REV3L: variants seen among roughly 807,000 people sequenced by gnomAD.
REV3L encodes the protein DNA polymerase zeta catalytic subunit.
Under a neutral mutation model 299.4 loss-of-function variants are expected in REV3L, and 69 were observed. The ratio of observed to expected loss-of-function variants is 0.23; its 90% CI spans 0.19 to 0.28. REV3L has a LOEUF of 0.28. Ranked by LOEUF, REV3L falls within the 10% of genes least tolerant of loss-of-function variation. The pLI, the probability that REV3L is intolerant of heterozygous loss-of-function variation, is 1.00. For synonymous variants in REV3L, 1,238 were observed against 1,271.4 expected (o/e 0.97, Z 0.56); for missense variants, 3,128 against 3,693.8 (o/e 0.85, Z 3.97).
chr6:111,378,922 A>G (rs1049741824), intron 11 of REV3L, among the ~76,000 whole-genome samples: 2 of 152,140 alleles, frequency 1.3e-5, no homozygotes, highest in African/African-American at 4.8e-5. Context: ...CTTTTTCAGT[A>G]TTCTTAAAAT....
intron 4 of REV3L, among the ~76,000 whole-genome samples, chr6:111,397,969 T>C (rs1782699242): frequency 6.6e-6 from 1 of 151,062 alleles, no homozygotes; most frequent in South Asian, 2.1e-4. Flanking sequence ...ATTTTCTGTC[T>C]AGATTATCTG....
In REV3L at chr6:111,372,836, T is replaced by C. The variant is rs749563451; in HGVS notation, c.5519A>G (p.Tyr1840Cys). The C allele has an allele frequency of 1.6e-5, 26 of 1,613,908 alleles. No individual in the cohort carries two copies. The highest frequency in any genetic ancestry group is 1.9e-5 in the Non-Finnish European group (23 of 1,179,946). The change falls in exon 13 of 32, where the codon TAT becomes TGT. Residue 1840 changes from tyrosine (Y) to cysteine (C), a missense_variant. By Grantham distance (194) the Tyr-to-Cys change is radical (BLOSUM62 -2). This residue lies in a region of REV3L where 2,409 missense variants were observed against 2,611.8 expected (regional missense o/e 0.92). Coordinates refer to ENST00000368802, the MANE Select transcript of REV3L (RefSeq NM_001372078.1). ...CAACATATCATTGTTTCTTGAAACA[T>C]ACAGTTCTAAATCTTCACAGGCCAC... ...VDVACEDLEL[Y>C]VSRNNDMLTP...
At chr6:111,410,693 G>A (rs1359800955) in intron 3 of REV3L, among the ~76,000 whole-genome samples, 1 of 152,194 alleles carries the variant, frequency 6.6e-6, no homozygotes, top group Non-Finnish European at 1.5e-5. Context: ...TACTCAAATG[G>A]TTTAATCCAG....
intron 13 of REV3L, among the ~76,000 whole-genome samples, chr6:111,368,886 T>C (rs1389279201): frequency 6.6e-6 from 1 of 152,094 alleles, no homozygotes; most frequent in Non-Finnish European, 1.5e-5. Flanking sequence ...TCCCCATCAC[T>C]CTCTATGTAA....
intron 18 of REV3L, chr6:111,354,268 T>C (rs1338356084): frequency 9.2e-5 from 14 of 152,226 alleles, no homozygotes; most frequent in Admixed American, 8.5e-4. Flanking sequence ...CATCTTGTTA[T>C]TGCAAGACTT....
chr6:111,395,579 T>C (rs1167314624), intron 4 of REV3L, among the ~76,000 whole-genome samples: 1 of 152,202 alleles, frequency 6.6e-6, no homozygotes, highest in African/African-American at 2.4e-5. Context: ...TTTACTAAAT[T>C]TATCAGTTCT....
intron 16 of REV3L, among the ~76,000 whole-genome samples, chr6:111,363,150 G>A (rs1032121579): frequency 1.2e-4 from 18 of 152,358 alleles, no homozygotes; most frequent in Non-Finnish European, 1.8e-4. Context: ...GCTGGATTAA[G>A]TAGAGAGTAT....
intron 2 of REV3L, chr6:111,412,261 T>C: frequency 1.0e-6 from 1 of 985,038 alleles, no homozygotes; most frequent in Non-Finnish European, 1.2e-6. Context: ...AGCAACATAA[T>C]CATGTTATGG....
In REV3L at chr6:111,299,912, C is replaced by G. The variant is rs553876736; in HGVS notation, c.*104G>C. On this transcript the variant is annotated 3_prime_UTR_variant, in exon 32 of 32. Coordinates refer to ENST00000368802, the MANE Select transcript of REV3L (RefSeq NM_001372078.1). Reference sequence around the variant, plus strand: ...GTCTTCATAGTCTTCAGATAACAGACAGTGAACATCCTTGACTCGATGAAA... The same window carrying G: ...GTCTTCATAGTCTTCAGATAACAGAGAGTGAACATCCTTGACTCGATGAAA... 9.1e-6 allele frequency: 10 copies of G among 1,103,526 alleles called. No individual in the cohort carries two copies. In the African/African-American group the frequency reaches 1.4e-4, roughly 16 times the overall value. 68.4% of individuals were successfully genotyped at this position (1,103,526 alleles called of 1,614,324 possible).
chr6:111,455,969 A>G (rs1272483095), intron 1 of REV3L, among the ~76,000 whole-genome samples: 3 of 152,232 alleles, frequency 2.0e-5, no homozygotes, highest in African/African-American at 7.2e-5. Context: ...CGTATATGGC[A>G]CTTGATATTG....
intron 1 of REV3L, among the ~76,000 whole-genome samples, chr6:111,465,745 C>CAAAAAAAAAAAA (rs376561912): frequency 1.2e-4 from 9 of 76,860 alleles, no homozygotes; most frequent in African/African-American, 1.6e-4. Context: ...AAACAAAAAC[C>CAAAAAAAAAAAA]AAAAAAAAAA....
chr6:111,359,409 A>G lies in REV3L; in HGVS notation c.6880-395T>C, dbSNP rs187236822. Among the ~76,000 whole-genome samples the G allele has an allele frequency of 3.6e-3, 550 of 151,936 alleles. 2 individuals are homozygous for G. Among genetic ancestry groups the G allele is most frequent in the African/African-American group, 0.013 (527 of 41,486 alleles). On this transcript the variant is annotated intron_variant, in intron 16 of 31. Transcript: ENST00000368802. ...TTTACCTGTAGTTTAAAGTAAAAAG[A>G]GAGCTTTTTTAAAATTCAAATTTCC...
chr6:111,323,978 G>A (rs1024421610), intron 25 of REV3L, among the ~76,000 whole-genome samples: 1 of 152,022 alleles, frequency 6.6e-6, no homozygotes, highest in African/African-American at 2.4e-5. Flanking sequence ...AACGAGTTGG[G>A]ATTTATTTAT....
At chr6:111,315,448 A>G in intron 26 of REV3L, 67 bp from the exon 27 acceptor site, 3 of 1,228,724 alleles carry the variant, frequency 2.4e-6, no homozygotes, top group East Asian at 4.9e-5. Context: ...ATCAAGAGTA[A>G]CTTTCCTGGC....
chr6:111,375,500 C>T lies in REV3L; in HGVS notation c.2855G>A (p.Gly952Asp), dbSNP rs755556838. 6.8e-6 allele frequency: 11 copies of T among 1,607,026 alleles called. No homozygotes were observed. The highest frequency in any genetic ancestry group is 9.3e-6 in the Non-Finnish European group (11 of 1,178,286). The part of the protein sequence containing the change: ...KISLPHPMEI[G>D]ESLDGTLKSR... Reference sequence around the variant, plus strand: ...TTTGAGAGTTCCATCTAAACTTTCACCAATTTCCATGGGATGAGGTAGACT... The same window carrying T: ...TTTGAGAGTTCCATCTAAACTTTCATCAATTTCCATGGGATGAGGTAGACT... The change falls in exon 13 of 32, where the codon GGT becomes GAT. Residue 952 changes from glycine to aspartate, a missense_variant. Gly to Asp is a moderately conservative substitution (Grantham distance 94). Around this residue, in one of 9 missense-constraint regions of REV3L, gnomAD observed 2,409 missense variants for 2,611.8 expected, o/e 0.92. Coordinates refer to ENST00000368802, the MANE Select transcript of REV3L (RefSeq NM_001372078.1).
chr6:111,320,247 T>C (rs9487616), intron 26 of REV3L, among the ~76,000 whole-genome samples: 7,521 of 152,132 alleles, frequency 0.049, 304 homozygotes, highest in African/African-American at 0.11. Flanking sequence ...TTTGTATTTT[T>C]AGTAGAGATG....
rs927684900 is a variant in REV3L, at chr6:111,333,211, A to G, written c.7837T>C (p.Leu2613=). The change falls in exon 23 of 32, where the codon TTG becomes CTG. Residue 2613 remains leucine, a synonymous_variant. Transcript: ENST00000368802. Reference sequence around the variant, plus strand: ...GAAGGATAAAGTGATTGGAAATCCAAAACGAGAACAGAGTTGCTATAGAAG... The same window carrying G: ...GAAGGATAAAGTGATTGGAAATCCAGAACGAGAACAGAGTTGCTATAGAAG... ...SRFYSNSVLV[L]DFQSLYPSIV... 2 of 1,614,176 alleles carry G rather than the reference A, an allele frequency of 1.2e-6. No homozygotes were observed. Among genetic ancestry groups the G allele is most frequent in the Middle Eastern group, 1.6e-4 (1 of 6,062 alleles).
intron 1 of REV3L, among the ~76,000 whole-genome samples, chr6:111,458,331 G>C (rs890847943): frequency 1.3e-5 from 2 of 152,040 alleles, no homozygotes; most frequent in African/African-American, 4.8e-5. Flanking sequence ...ACATCATACT[G>C]GATGGGCAAA....
chr6:111,458,424 C>T (rs1790391258), intron 1 of REV3L, among the ~76,000 whole-genome samples: 1 of 152,000 alleles, frequency 6.6e-6, no homozygotes, highest in African/African-American at 2.4e-5. Flanking sequence ...TAATGGAAGT[C>T]CTAGCTAGAG....
Sources: allele counts gnomAD v4.1 joint callset (sites outside exome capture counted in the v4.1 genomes callset), GRCh38; gene constraint gnomAD v4.1.1; regional missense constraint gnomAD v4.1.1; transcripts MANE v1.5; gene names NCBI Gene and HGNC (gene_info 2026-07-23, HGNC 2026-07-21).